The following ZSCAN5A variants were observed in gnomAD, a reference collection of about 807,000 sequenced individuals.
ZSCAN5A encodes the protein zinc finger and SCAN domain containing 5A, also known as zinc finger and SCAN domain-containing protein 5A.
A neutral mutation model predicts 23.7 loss-of-function variants in ZSCAN5A; 12 were observed. The observed-to-expected ratio is 0.51, with a 90% CI of 0.32 to 0.82. The LOEUF (loss-of-function observed/expected upper bound fraction) is 0.82, where lower values mean the gene tolerates loss of function less well. Ranked by LOEUF, ZSCAN5A falls within the 40% of genes least tolerant of loss-of-function variation. The pLI is 0.03. For synonymous variants in ZSCAN5A, 257 were observed against 239.9 expected, an observed-to-expected ratio of 1.07 and a Z score of -0.66; for missense variants, 597 against 617.9, an observed-to-expected ratio of 0.97 and a Z score of 0.36.
In ZSCAN5A at chr19:56,224,999, G is replaced by A. The variant is rs1330585976; in HGVS notation, c.48C>T (p.Asn16=). ...ACCGTGGCAGCTCCAACCCAGGTCT[G>A]TTGCAGGATTCTCCTAGACTCCATG... ...TSSWSLGESC[N]RPGLELPRSM... Residue 16 remains asparagine (N), a synonymous_variant, in exon 3 of 6, where the codon AAC becomes AAT. Coordinates refer to ENST00000683990, the MANE Select transcript of ZSCAN5A (RefSeq NM_001322064.3). The A allele has an allele frequency of 6.8e-6, 11 of 1,613,618 alleles. No individual in the cohort carries two copies. The highest frequency in any genetic ancestry group is 1.7e-5 in the Admixed American group (1 of 59,982).
intron 2 of ZSCAN5A, among the ~76,000 whole-genome samples, chr19:56,329,176 C>T (rs1466049718): frequency 6.6e-6 from 1 of 151,826 alleles, no homozygotes; most frequent in Non-Finnish European, 1.5e-5. Flanking sequence ...TGGCGAAACC[C>T]CGCCTCTACT....
chr19:56,324,873 C>T (rs778826288), intron 2 of ZSCAN5A, among the ~76,000 whole-genome samples: 2 of 152,192 alleles, frequency 1.3e-5, no homozygotes, highest in Non-Finnish European at 2.9e-5. Context: ...TATTCCTATA[C>T]ATTAGTTATT....
At chr19:56,319,498 GAAAAA>G (rs57164685), upstream of ZSCAN5A, among the ~76,000 whole-genome samples, 13 of 78,424 alleles carry the variant, frequency 1.7e-4, no homozygotes, top group South Asian at 4.8e-4. Flanking sequence ...TCCATCTCGG[GAAAAA>G]AAAAAAAAAA....
At chr19:56,259,339 C>G (rs2036954460) in intron 2 of ZSCAN5A, among the ~76,000 whole-genome samples, 1 of 152,120 alleles carries the variant, frequency 6.6e-6, no homozygotes, top group African/African-American at 2.4e-5. Context: ...GCTGGGATTA[C>G]AGATGTGAGC....
upstream of ZSCAN5A, chr19:56,315,840 AG>A (rs984137801): frequency 3.9e-5 from 6 of 152,234 alleles, no homozygotes; most frequent in African/African-American, 1.4e-4. Flanking sequence ...GTGAGAATTA[AG>A]GGAACCTCAG....
chr19:56,344,603 T>C (rs1191063712), intron 2 of ZSCAN5A, among the ~76,000 whole-genome samples: 1 of 151,870 alleles, frequency 6.6e-6, no homozygotes, highest in Non-Finnish European at 1.5e-5. Context: ...AAACCCCGTC[T>C]CTATTAAAAA....
chr19:56,302,006 C>G (rs2040265638), intron 2 of ZSCAN5A: 2 of 1,232,040 alleles, frequency 1.6e-6, no homozygotes, highest in Non-Finnish European at 2.0e-6. Flanking sequence ...CAGGAAACCA[C>G]TCCCCAAGAG....
At chr19:56,297,811 G>C (rs1600222102) in intron 2 of ZSCAN5A, 1 of 152,158 alleles carries the variant, frequency 6.6e-6, no homozygotes, top group Non-Finnish European at 1.5e-5. Flanking sequence ...CTCTCTTCCC[G>C]ACATGGAAAT....
At chr19:56,222,784 T>C in intron 4 of ZSCAN5A, 43 bp from the exon 5 acceptor site, 1 of 1,613,620 alleles carries the variant, frequency 6.2e-7, no homozygotes, top group Non-Finnish European at 8.5e-7. Context: ...GTGTCCAAAC[T>C]GGTGGAAGCA....
In ZSCAN5A at chr19:56,351,286, A is replaced by G. The variant is rs866334659; in HGVS notation, c.-358+11949T>C. On this transcript the variant is annotated intron_variant, in intron 2 of 6. Transcript: ENST00000587340. This position sits in a 1 kb window ranked among gnomAD's most constrained non-coding sequence, Gnocchi z 4.8. ...GGCCACTAGAAACTGGGTCCACTCAACATGGTGATTCCCACCGTCTTCTCC... is the reference window on the plus strand; with the variant it reads ...GGCCACTAGAAACTGGGTCCACTCAGCATGGTGATTCCCACCGTCTTCTCC... Among the ~76,000 whole-genome samples the G allele has an allele frequency of 9.9e-5, 15 of 152,258 alleles. No homozygotes were observed. The highest frequency in any genetic ancestry group is 6.8e-3 in the Middle Eastern group (2 of 294).
intron 2 of ZSCAN5A, among the ~76,000 whole-genome samples, chr19:56,332,935 T>C (rs1486414066): frequency 6.6e-6 from 1 of 152,212 alleles, no homozygotes; most frequent in Non-Finnish European, 1.5e-5. Context: ...TGGTGTGACA[T>C]AAAATTCTTT....
chr19:56,332,483 G>C (rs1026450894), intron 2 of ZSCAN5A, among the ~76,000 whole-genome samples: 1 of 152,094 alleles, frequency 6.6e-6, no homozygotes, highest in Non-Finnish European at 1.5e-5. Context: ...ATCTACCCCT[G>C]CTCTTTTTTG....
chr19:56,342,530 T>C (rs766604581), intron 2 of ZSCAN5A: 16 of 350,680 alleles, frequency 4.6e-5, no homozygotes, highest in Non-Finnish European at 9.5e-5. Flanking sequence ...CCAGGAAGAA[T>C]GGACCACCCA....
At chr19:56,230,110 T>A (rs938935422) in intron 2 of ZSCAN5A, among the ~76,000 whole-genome samples, 1 of 152,066 alleles carries the variant, frequency 6.6e-6, no homozygotes, top group Non-Finnish European at 1.5e-5. Flanking sequence ...ACATTATTAT[T>A]ATATTATTAT....
chr19:56,312,627 A>T (rs1015968388), intron 2 of ZSCAN5A: 5 of 152,280 alleles, frequency 3.3e-5, no homozygotes, highest in African/African-American at 1.2e-4. Context: ...TACTGTAGCA[A>T]TGTTACGGTT....
chr19:56,322,497 G>A (rs1175194814), intron 2 of ZSCAN5A, among the ~76,000 whole-genome samples: 1 of 152,138 alleles, frequency 6.6e-6, no homozygotes, highest in Non-Finnish European at 1.5e-5. Context: ...AGTAATACTG[G>A]GGGCAAAATA....
At chr19:56,358,017 A>C (rs1238762592) in intron 2 of ZSCAN5A, among the ~76,000 whole-genome samples, 2 of 149,046 alleles carry the variant, frequency 1.3e-5, no homozygotes, top group Non-Finnish European at 3.0e-5. Context: ...AAGACAAAGA[A>C]GGGCATTAGG....
chr19:56,303,941 G>A (rs952552876), intron 2 of ZSCAN5A, among the ~76,000 whole-genome samples: 8 of 152,232 alleles, frequency 5.3e-5, no homozygotes, highest in South Asian at 2.1e-4. Flanking sequence ...GAGTACCTTC[G>A]AGGAACCAAA....
At chr19:56,245,149 G>C (rs930560538) in intron 2 of ZSCAN5A, 2 of 454,996 alleles carry the variant, frequency 4.4e-6, no homozygotes, top group Non-Finnish European at 8.1e-6. Context: ...GAGCATTATG[G>C]CAGGACCCAG....
Sources: gnomAD v4.1 joint callset for allele counts (sites outside exome capture counted in the v4.1 genomes callset) on GRCh38, gnomAD v4.1.1 for gene constraint, Gnocchi (gnomAD v3.1) non-coding constraint, MANE v1.5 for transcripts, NCBI Gene and HGNC (gene_info 2026-07-23, HGNC 2026-07-21) for gene names.